The following CDC42BPB variants were observed in gnomAD, a reference collection of about 807,000 sequenced individuals.
CDC42BPB encodes serine/threonine-protein kinase MRCK beta.
CDC42BPB carries 37 observed loss-of-function variants against 214.9 expected under a neutral mutation model. That is an observed-to-expected ratio of 0.17 (90% confidence interval 0.13 to 0.23). The LOEUF (loss-of-function observed/expected upper bound fraction) is 0.23, where lower values mean the gene tolerates loss of function less well. Ranked by LOEUF, CDC42BPB falls within the 10% of genes least tolerant of loss-of-function variation. CDC42BPB has a pLI of 1.00. For missense variants in CDC42BPB, 1,694 were observed against 2,227.0 expected, an observed-to-expected ratio of 0.76 and a Z score of 4.82; for synonymous variants, 931 against 884.0, an observed-to-expected ratio of 1.05 and a Z score of -0.94.
At chr14:102,971,723 A>T (rs1893481241) in intron 13 of CDC42BPB, among the ~76,000 whole-genome samples, 196 bp downstream of exon 13, 1 of 152,270 alleles carries the variant, frequency 6.6e-6, no homozygotes. Flanking sequence ...AATCAGCACC[A>T]CAAGAACCTT....
At chr14:102,948,819 C>T in intron 26 of CDC42BPB, among the ~76,000 whole-genome samples, 1 of 151,954 alleles carries the variant, frequency 6.6e-6, no homozygotes, top group East Asian at 1.9e-4. Context: ...CTGACTTGGG[C>T]TCATGCCAAC....
intron 1 of CDC42BPB, among the ~76,000 whole-genome samples, chr14:103,033,700 A>G (rs1201411423): frequency 1.3e-5 from 2 of 152,218 alleles, no homozygotes; most frequent in Admixed American, 6.5e-5. Context: ...TGAGCTCATC[A>G]CTATTTTCAA....
chr14:102,972,139 C>A lies in CDC42BPB; in HGVS notation c.1664G>T (p.Arg555Leu). The change falls in exon 13 of 37, where the codon CGG becomes CTG. Residue 555 changes from arginine to leucine, a missense_variant. Arg to Leu is a moderately radical substitution (Grantham distance 102, BLOSUM62 -2). Coordinates refer to ENST00000361246, the MANE Select transcript of CDC42BPB (RefSeq NM_006035.4). ...LHKQLVEASE[R>L]LKSQAKELKD... ...GAGTTCCTTGGCCTGGGATTTCAACCGCTCTGAGGCTTCAACCAGTTGCTG... is the reference window on the plus strand; with the variant it reads ...GAGTTCCTTGGCCTGGGATTTCAACAGCTCTGAGGCTTCAACCAGTTGCTG... 1.9e-6 allele frequency: 3 copies of A among 1,614,184 alleles called. No individual in the cohort carries two copies. The highest frequency in any genetic ancestry group is 1.3e-5 in the African/African-American group (1 of 75,072).
chr14:103,018,987 A>C (rs1018015432), intron 1 of CDC42BPB, among the ~76,000 whole-genome samples: 1 of 152,158 alleles, frequency 6.6e-6, no homozygotes, highest in African/African-American at 2.4e-5. Context: ...TCTGTCGACC[A>C]GGCTGGAGTG....
chr14:102,994,269 C>T (rs933835863), intron 5 of CDC42BPB, among the ~76,000 whole-genome samples: 11 of 152,182 alleles, frequency 7.2e-5, no homozygotes, highest in South Asian at 2.1e-4. Flanking sequence ...GAGGGGTCTC[C>T]GGAAGGCCAT....
intron 1 of CDC42BPB, among the ~76,000 whole-genome samples, chr14:103,056,162 G>A (rs1320197293): frequency 6.6e-6 from 1 of 152,102 alleles, no homozygotes; most frequent in African/African-American, 2.4e-5. Context: ...AAACATTATA[G>A]ATCCGGAACG....
chr14:103,031,990 A>ATTT (rs1192491008), intron 1 of CDC42BPB, among the ~76,000 whole-genome samples: 3 of 131,548 alleles, frequency 2.3e-5, no homozygotes, highest in South Asian at 2.2e-4. Context: ...TATTATTATT[A>ATTT]TTTTTTTTTT....
rs1269743289 is a variant in CDC42BPB, at chr14:103,004,012, G to A, written c.363C>T (p.Phe121=). Residue 121 remains phenylalanine (F), a synonymous_variant, in exon 4 of 37, where the codon TTC becomes TTT. Transcript: ENST00000361246. This position sits in a 1 kb window ranked among gnomAD's most constrained non-coding sequence, Gnocchi z 5.3. ...TCACCAGCACATCGCGCTCCTCTCG[G>A]AAGCACGCGGTCTGCAAAGCAACGA... ...EMLKRAETAC[F]REERDVLVNG... is the part of the protein sequence containing the mutation. 2 of 1,603,042 alleles carry A rather than the reference G, an allele frequency of 1.2e-6. No homozygotes were observed. The highest frequency in any genetic ancestry group is 2.7e-5 in the African/African-American group (2 of 74,900).
chr14:103,024,526 G>A (rs1465201429), intron 1 of CDC42BPB, among the ~76,000 whole-genome samples: 2 of 152,190 alleles, frequency 1.3e-5, no homozygotes, highest in Admixed American at 6.5e-5. Context: ...CTTAACTTCA[G>A]TAATTAGTAA....
intron 1 of CDC42BPB, among the ~76,000 whole-genome samples, chr14:103,025,677 G>A (rs1028716728): frequency 2.6e-5 from 4 of 151,874 alleles, no homozygotes; most frequent in Non-Finnish European, 5.9e-5. Flanking sequence ...AATTAGCCAG[G>A]CGTGGTGGCA....
rs766783199 is a variant in CDC42BPB, at chr14:102,947,805, G to A, written c.3450-3C>T. On this transcript the variant is annotated splice_polypyrimidine_tract_variant and splice_region_variant and intron_variant, in intron 26 of 36. Coordinates refer to ENST00000361246, the MANE Select transcript of CDC42BPB (RefSeq NM_006035.4). ...AGCTCACGGAAAACTCGTCATCTCTGGTAAGGAAGAAACATTGACCCCGCT... is the reference window on the plus strand; with the variant it reads ...AGCTCACGGAAAACTCGTCATCTCTAGTAAGGAAGAAACATTGACCCCGCT... The A allele has an allele frequency of 6.2e-7, 1 of 1,612,432 alleles. No individual in the cohort carries two copies. Among genetic ancestry groups the A allele is most frequent in the South Asian group, 1.1e-5 (1 of 91,076 alleles).
At position 102,950,836 on chromosome 14, in the gene CDC42BPB, C is replaced by T. The variant is rs530297378; in HGVS notation, c.3173-234G>A. ...CAAAAATTAGCCAGGGGTGGTGAAG[C>T]GCACCTGTAATCCCAGCTACTCGGG... On this transcript the variant is annotated intron_variant, in intron 24 of 36. Transcript: ENST00000361246. The T allele has an allele frequency of 1.6e-4, 38 of 235,450 alleles. 2 individuals are homozygous for T. The East Asian group carries it at 3.4e-3, about 21-fold the overall frequency. The allele number at this position is 235,450 out of a possible 1,614,324, so 14.6% of individuals were successfully genotyped here.
rs1481797483 is a variant in CDC42BPB at position 102,957,318 on chromosome 14, C to T, written c.2901+2313G>A. 8.5e-5 allele frequency among the ~76,000 whole-genome samples: 13 copies of T among 152,156 alleles called. 1 individual carries two copies. The highest frequency in any genetic ancestry group is 8.5e-4 in the Admixed American group (13 of 15,268). ...TGTCTCCATCTCTGCTGCCCACTCT[C>T]CACAGCTGTGACTCACACACTCATG... On this transcript the variant is annotated intron_variant, in intron 21 of 36. Transcript: ENST00000361246.
intron 1 of CDC42BPB, among the ~76,000 whole-genome samples, chr14:103,053,725 G>A (rs1482741328): frequency 6.7e-6 from 1 of 148,576 alleles, no homozygotes; most frequent in Non-Finnish European, 1.5e-5. Context: ...TCCCGCCACT[G>A]CACTCCAGCC....
intron 5 of CDC42BPB, among the ~76,000 whole-genome samples, chr14:102,996,874 G>T (rs1236329508): frequency 6.6e-6 from 1 of 151,222 alleles, no homozygotes; most frequent in African/African-American, 2.4e-5. Context: ...GTTAAGAAAT[G>T]TATTTTTTAA....
At chr14:103,056,459 C>A (rs1248246440) in intron 1 of CDC42BPB, among the ~76,000 whole-genome samples, 2 of 151,952 alleles carry the variant, frequency 1.3e-5, no homozygotes, top group Non-Finnish European at 2.9e-5. Context: ...GGGCAGTGGG[C>A]GAGGCAGATG....
chr14:103,043,005 AAG>A (rs1888093981), intron 1 of CDC42BPB, among the ~76,000 whole-genome samples: 1 of 151,218 alleles, frequency 6.6e-6, no homozygotes, highest in Non-Finnish European at 1.5e-5. Context: ...AAATAAACAA[AAG>A]GTACTTTGGG....
intron 20 of CDC42BPB, among the ~76,000 whole-genome samples, chr14:102,960,198 C>G (rs28697914): frequency 0.012 from 1,825 of 152,050 alleles, 45 homozygotes; most frequent in African/African-American, 0.042. Context: ...GAGCAAGACT[C>G]TATCTCAAAA....
chr14:103,052,152 G>A (rs560742558), intron 1 of CDC42BPB, among the ~76,000 whole-genome samples: 40 of 152,284 alleles, frequency 2.6e-4, no homozygotes, highest in Middle Eastern at 3.4e-3. Flanking sequence ...AGACAGAAAA[G>A]GTAGGGCTGG....
Sources: gnomAD v4.1 joint callset for allele counts (sites outside exome capture counted in the v4.1 genomes callset) on GRCh38, gnomAD v4.1.1 for gene constraint, Gnocchi (gnomAD v3.1) non-coding constraint, MANE v1.5 for transcripts, NCBI Gene and HGNC (gene_info 2026-07-23, HGNC 2026-07-21) for gene names.